The following LRFN5 variants were observed in gnomAD, a reference collection of about 807,000 sequenced individuals.
The protein encoded by LRFN5 is leucine-rich repeat and fibronectin type-III domain-containing protein 5.
LRFN5 carries 24 observed loss-of-function variants against 45.6 expected under a neutral mutation model. The ratio of observed to expected loss-of-function variants is 0.53; its 90% CI spans 0.38 to 0.74. LRFN5 has a LOEUF of 0.74. Ranked by LOEUF, LRFN5 falls within the 30% of genes least tolerant of loss-of-function variation. The probability of loss-of-function intolerance (pLI) is 0.00; values close to 1 mark genes in which losing one functional copy is unlikely to be tolerated. For synonymous variants in LRFN5, 340 were observed against 313.8 expected, an observed-to-expected ratio of 1.08 and a Z score of -0.88; for missense variants, 776 against 861.5, an observed-to-expected ratio of 0.90 and a Z score of 1.24.
At chr14:41,635,222 A>G (rs1484824904) in intron 1 of LRFN5, among the ~76,000 whole-genome samples, 1 of 152,184 alleles carries the variant, frequency 6.6e-6, no homozygotes, top group Non-Finnish European at 1.5e-5. Flanking sequence ...CTGAATTCTG[A>G]CTATTGACCT....
intron 4 of LRFN5, among the ~76,000 whole-genome samples, chr14:41,896,480 G>A (rs558394157): frequency 7.5e-4 from 114 of 152,204 alleles, no homozygotes; most frequent in African/African-American, 2.6e-3. Flanking sequence ...GATTGTATGT[G>A]AAAAGGATAT....
intron 1 of LRFN5, among the ~76,000 whole-genome samples, chr14:41,619,891 G>C (rs1888059307): frequency 6.6e-6 from 1 of 151,916 alleles, no homozygotes. Flanking sequence ...TGTATTCCTA[G>C]CACCTCACAC....
intron 2 of LRFN5, among the ~76,000 whole-genome samples, chr14:41,863,025 C>T (rs894608586): frequency 6.6e-5 from 10 of 151,790 alleles, no homozygotes; most frequent in African/African-American, 2.4e-4. Flanking sequence ...CCATGATGCC[C>T]GGCTAATTTT....
chr14:41,824,693 TC>T (rs567631198), intron 2 of LRFN5, among the ~76,000 whole-genome samples: 159 of 152,296 alleles, frequency 1.0e-3, no homozygotes, highest in African/African-American at 3.7e-3. Context: ...GAGAAGGACC[TC>T]TCTGTTGTCT....
At chr14:41,636,439 G>T (rs921332065) in intron 1 of LRFN5, among the ~76,000 whole-genome samples, 13 of 152,030 alleles carry the variant, frequency 8.6e-5, no homozygotes, top group Admixed American at 2.0e-4. Context: ...TTAATTTCAT[G>T]GGTCTCTTGC....
intron 4 of LRFN5, among the ~76,000 whole-genome samples, chr14:41,896,298 T>C (rs990622457): frequency 1.3e-5 from 2 of 152,174 alleles, no homozygotes; most frequent in Non-Finnish European, 2.9e-5. Flanking sequence ...TGATTTCCAA[T>C]TGGATTTTAT....
intron 1 of LRFN5, among the ~76,000 whole-genome samples, chr14:41,620,985 T>TA (rs1482008391): frequency 3.3e-5 from 5 of 150,450 alleles, no homozygotes; most frequent in African/African-American, 1.2e-4. Context: ...ATAAAAAATA[T>TA]TGATTTTGGA....
intron 1 of LRFN5, among the ~76,000 whole-genome samples, chr14:41,674,407 G>A (rs1426076275): frequency 7.2e-6 from 1 of 138,648 alleles, no homozygotes. Flanking sequence ...CCCGGACGGG[G>A]CGGCTGGCCG....
intron 1 of LRFN5, among the ~76,000 whole-genome samples, chr14:41,675,902 C>G (rs986550057): frequency 2.0e-5 from 3 of 152,196 alleles, no homozygotes; most frequent in Non-Finnish European, 4.4e-5. Context: ...GATAAACATT[C>G]ATTTGAGAAA....
intron 2 of LRFN5, among the ~76,000 whole-genome samples, chr14:41,820,456 G>A (rs1011639287): frequency 6.6e-6 from 1 of 151,862 alleles, no homozygotes; most frequent in East Asian, 1.9e-4. Context: ...TCCTTATTCT[G>A]TTCTATTGAT....
chr14:41,880,516 A>T (rs1241995570), intron 2 of LRFN5, among the ~76,000 whole-genome samples: 2 of 152,094 alleles, frequency 1.3e-5, no homozygotes, highest in Non-Finnish European at 2.9e-5. Flanking sequence ...TCATTTAATT[A>T]ATTACTTTAA....
intron 1 of LRFN5, among the ~76,000 whole-genome samples, chr14:41,719,523 A>G (rs1883626437): frequency 1.3e-5 from 2 of 152,006 alleles, no homozygotes; most frequent in South Asian, 4.1e-4. Flanking sequence ...ATTTCTTACT[A>G]CTGTTTTTAC....
At chr14:41,741,013 T>C (rs1884667165) in intron 1 of LRFN5, among the ~76,000 whole-genome samples, 1 of 149,904 alleles carries the variant, frequency 6.7e-6, no homozygotes, top group Admixed American at 7.3e-5. Flanking sequence ...AGGAATACAT[T>C]TAACTGAAGA....
chr14:41,630,777 T>C (rs1305785845), intron 1 of LRFN5, among the ~76,000 whole-genome samples: 4 of 152,176 alleles, frequency 2.6e-5, no homozygotes, highest in African/African-American at 9.6e-5. Context: ...GTCTTTTATA[T>C]ACGATTAGAA....
In LRFN5 at chr14:41,891,823, A is replaced by G. The variant is rs754835988; in HGVS notation, c.1959A>G (p.Thr653=). 1.2e-6 allele frequency: 2 copies of G among 1,614,220 alleles called. No individual in the cohort carries two copies. The highest frequency in any genetic ancestry group is 2.2e-5 in the East Asian group (1 of 44,874). The change falls in exon 4 of 6, where the codon ACA becomes ACG. Residue 653 remains threonine (T), a synonymous_variant. Transcript: ENST00000298119. ...QKRKTGTKPS[T]EPQNEAVTNV... is the part of the protein sequence containing the mutation. ...GAAAGACTGGCACAAAGCCAAGTAC[A>G]GAACCACAGAATGAAGCCGTCACAA... is the stretch of plus-strand genomic sequence containing the variant.
intron 2 of LRFN5, among the ~76,000 whole-genome samples, chr14:41,864,156 G>A (rs552127299): frequency 3.9e-5 from 6 of 152,174 alleles, no homozygotes; most frequent in African/African-American, 1.4e-4. Context: ...TCTTTATAGT[G>A]GAATGATTTA....
intron 1 of LRFN5, among the ~76,000 whole-genome samples, chr14:41,721,760 T>C (rs1009572253): frequency 2.0e-5 from 3 of 152,170 alleles, no homozygotes; most frequent in East Asian, 1.9e-4. Flanking sequence ...GGATTCCCTT[T>C]GTATGTAATC....
intron 1 of LRFN5, among the ~76,000 whole-genome samples, chr14:41,735,987 G>A (rs1184324228): frequency 6.6e-6 from 1 of 152,000 alleles, no homozygotes; most frequent in East Asian, 1.9e-4. Context: ...TGCCATATTT[G>A]CTTTAACCAG....
At chr14:41,622,461 C>A (rs1480565645) in intron 1 of LRFN5, among the ~76,000 whole-genome samples, 1 of 151,846 alleles carries the variant, frequency 6.6e-6, no homozygotes, top group African/African-American at 2.4e-5. Flanking sequence ...GAGTAAAGGA[C>A]CATATACATG....
Sources: allele counts gnomAD v4.1 joint callset (sites outside exome capture counted in the v4.1 genomes callset), GRCh38; gene constraint gnomAD v4.1.1; transcripts MANE v1.5; gene names NCBI Gene and HGNC (gene_info 2026-07-23, HGNC 2026-07-21).